NFE2L3: variants seen among roughly 807,000 people sequenced by gnomAD.
The protein encoded by NFE2L3 is NFE2 like bZIP transcription factor 3.
NFE2L3 carries 18 observed loss-of-function variants against 23.5 expected under a neutral mutation model. The ratio of observed to expected loss-of-function variants is 0.77; its 90% confidence interval spans 0.53 to 1.13. The LOEUF is 1.13. Among genes scored for constraint, NFE2L3 ranks in the 50% most tolerant of loss-of-function variants. NFE2L3 has a pLI of 0.00. For missense variants in NFE2L3, 1,152 were observed against 877.2 expected, an observed-to-expected ratio of 1.31 and a Z score of -3.96; for synonymous variants, 424 against 354.5, an observed-to-expected ratio of 1.20 and a Z score of -2.20.
At chr7:26,160,533 G>A (rs1784151480) in intron 1 of NFE2L3, among the ~76,000 whole-genome samples, 1 of 152,240 alleles carries the variant, frequency 6.6e-6, no homozygotes, top group Non-Finnish European at 1.5e-5. Context: ...TAATTGGGAA[G>A]GCTGGCAAAT....
At chr7:26,155,423 C>T (rs903040062) in intron 1 of NFE2L3, among the ~76,000 whole-genome samples, 1 of 151,958 alleles carries the variant, frequency 6.6e-6, no homozygotes, top group Non-Finnish European at 1.5e-5. Context: ...GCCTGGGTGA[C>T]AGAGTGAGAC....
chr7:26,185,375 T>C lies in NFE2L3; in HGVS notation c.1677T>C (p.Val559=), dbSNP rs142670193. 16 of 1,614,052 alleles carry C rather than the reference T, an allele frequency of 9.9e-6. No individual in the cohort carries two copies. Among genetic ancestry groups the C allele is most frequent in the African/African-American group, 9.3e-5 (7 of 74,930 alleles). ...TAGATGAAATTGTCGGCATGCCTGT[T>C]GATTCTTTCAATAGCATGTTAAGTA... ...FSVDEIVGMP[V]DSFNSMLSRY... Residue 559 remains valine, a synonymous_variant, in exon 4 of 4, where the codon GTT becomes GTC. Transcript: ENST00000056233.
intron 2 of NFE2L3, among the ~76,000 whole-genome samples, chr7:26,182,282 A>C (rs545534720): frequency 6.6e-6 from 1 of 152,096 alleles, no homozygotes; most frequent in South Asian, 2.1e-4. Flanking sequence ...AAAACATTAA[A>C]CCTTATATTT....
In NFE2L3 at chr7:26,176,833, C is replaced by T. The variant is rs28535750; in HGVS notation, c.571-1110C>T. On this transcript the variant is annotated intron_variant, in intron 1 of 3. Transcript: ENST00000056233. ...GGGGTGGCCAGGCAGAGGCGCTCCT[C>T]ACTTCCCAGACGATGGGTGGCCGGG... Among the ~76,000 whole-genome samples, 164 of 81,918 alleles carry T rather than the reference C, an allele frequency of 2.0e-3. 55 individuals carry two copies. Among genetic ancestry groups the T allele is most frequent in the East Asian group, 0.011 (11 of 1,000 alleles). The allele number at this position is 81,918 out of a possible 152,430, so 53.7% of individuals were successfully genotyped here. A position where few individuals can be genotyped will look rare whatever the true frequency, so the allele number is the denominator to read the frequency against.
Position 26,165,224 on chromosome 7 carries a change from A to G in NFE2L3, c.570+12156A>G, listed in dbSNP as rs1449655549. On this transcript the variant is annotated intron_variant, in intron 1 of 3. Transcript: ENST00000056233. ...GCTTGATGGGGATGGCATTGAATCTATACATTACCTTGGGCAGTATGGCCA... is the reference window on the plus strand; with the variant it reads ...GCTTGATGGGGATGGCATTGAATCTGTACATTACCTTGGGCAGTATGGCCA... Among the ~76,000 whole-genome samples, 21 of 152,240 alleles carry G rather than the reference A, an allele frequency of 1.4e-4. 1 individual carries two copies. In the East Asian group the frequency reaches 1.9e-3, roughly 14 times the overall value.
Position 26,152,249 on chromosome 7 carries a change from G to A in NFE2L3, c.-250G>A, listed in dbSNP as rs1218185691. On this transcript the variant is annotated 5_prime_UTR_variant, in exon 1 of 4. Coordinates refer to ENST00000056233, the MANE Select transcript of NFE2L3 (RefSeq NM_004289.7). The surrounding 1 kb of genome is among the most constrained non-coding windows in gnomAD (Gnocchi z 4.4). ...GGGCGGCTGGGCGAACGGGCTCGGC[G>A]CTCAGGTGGCTCCTTCTTCGCTTCT... 1.4e-5 allele frequency: 3 copies of A among 214,374 alleles called. No individual in the cohort carries two copies. Among genetic ancestry groups the A allele is most frequent in the Non-Finnish European group, 1.8e-5 (2 of 110,450 alleles). 13.3% of individuals were successfully genotyped at this position (214,374 alleles called of 1,614,324 possible).
At chr7:26,166,654 C>T (rs1270496826) in intron 1 of NFE2L3, among the ~76,000 whole-genome samples, 1 of 152,234 alleles carries the variant, frequency 6.6e-6, no homozygotes, top group African/African-American at 2.4e-5. Flanking sequence ...GGCCTACAGC[C>T]AGTGCTCAAT....
In NFE2L3 at chr7:26,184,720, C is replaced by T; in HGVS notation, c.1022C>T (p.Pro341Leu). The T allele has an allele frequency of 6.2e-7, 1 of 1,613,856 alleles. No homozygotes were observed. Among genetic ancestry groups the T allele is most frequent in the Non-Finnish European group, 8.5e-7 (1 of 1,179,844 alleles). ...PTARTSQSQE[P>L]FLQLNSHTTN... ...GCAAGGACTTCACAGTCACAAGAAC[C>T]ATTTCTGCAGTTAAATTCTCATACC... is the stretch of plus-strand genomic sequence containing the variant. Residue 341 changes from proline (P) to leucine (L), a missense_variant, in exon 4 of 4, where the codon CCA becomes CTA. Pro to Leu is a moderately conservative substitution (Grantham distance 98). Coordinates refer to ENST00000056233, the MANE Select transcript of NFE2L3 (RefSeq NM_004289.7).
rs1784013835 is a variant in NFE2L3, at chr7:26,152,620, T to C, written c.122T>C (p.Leu41Pro). Reference protein sequence around the residue: ...DLYLLLPPPTLLQDELLFLGG... With the variant: ...DLYLLLPPPTPLQDELLFLGG... ...TACCTGCTGCTGCCGCCGCCCACCC[T>C]GCTGCAGGACGAGCTGCTGTTCCTG... The change falls in exon 1 of 4, where the codon CTG becomes CCG. Residue 41 changes from leucine to proline, a missense_variant. Leu to Pro is a moderately conservative substitution (Grantham distance 98, BLOSUM62 -3). Coordinates refer to ENST00000056233, the MANE Select transcript of NFE2L3 (RefSeq NM_004289.7). This position sits in a 1 kb window ranked among gnomAD's most constrained non-coding sequence, Gnocchi z 4.4. The C allele has an allele frequency of 2.6e-6, 4 of 1,536,242 alleles. No homozygotes were observed. The highest frequency in any genetic ancestry group is 1.4e-5 in the African/African-American group (1 of 70,576).
At chr7:26,180,986 G>GA (rs1784497023) in intron 2 of NFE2L3, among the ~76,000 whole-genome samples, 1 of 151,396 alleles carries the variant, frequency 6.6e-6, no homozygotes, top group Non-Finnish European at 1.5e-5. Flanking sequence ...TTTGAGGAAG[G>GA]CGGCGGGGGA....
intron 3 of NFE2L3, chr7:26,184,213 A>G (rs577158464): frequency 5.8e-6 from 2 of 347,244 alleles, no homozygotes; most frequent in South Asian, 4.0e-5. Flanking sequence ...CAATGTGATT[A>G]CCAACCGCTA....
chr7:26,157,961 G>A (rs554224585), intron 1 of NFE2L3, among the ~76,000 whole-genome samples: 1 of 152,280 alleles, frequency 6.6e-6, no homozygotes, highest in South Asian at 2.1e-4. Context: ...CATCACCTGA[G>A]CTCTGCCTTC....
chr7:26,165,289 T>C (rs1163513506), intron 1 of NFE2L3, among the ~76,000 whole-genome samples: 1 of 152,252 alleles, frequency 6.6e-6, no homozygotes, highest in Non-Finnish European at 1.5e-5. Flanking sequence ...GAGCATGGAA[T>C]GTTCTTCCAT....
At chr7:26,164,352 A>G (rs1784216089) in intron 1 of NFE2L3, among the ~76,000 whole-genome samples, 1 of 152,180 alleles carries the variant, frequency 6.6e-6, no homozygotes, top group Non-Finnish European at 1.5e-5. Flanking sequence ...CGCCATTCTA[A>G]CTGGTGTGAG....
intron 1 of NFE2L3, among the ~76,000 whole-genome samples, chr7:26,169,866 G>C (rs1187380231): frequency 1.3e-5 from 2 of 152,160 alleles, no homozygotes; most frequent in East Asian, 1.9e-4. Context: ...GGGAGGCTGA[G>C]GTGGGAGGAT....
chr7:26,152,916 G>GGCGCCA lies in NFE2L3; in HGVS notation c.422_427dup (p.Ala141_Ser142dup). 6.9e-7 allele frequency: 1 copy of GGCGCCA among 1,441,000 alleles called. No individual in the cohort carries two copies. The highest frequency in any genetic ancestry group is 1.5e-5 in the African/African-American group (1 of 67,068). 89.3% of individuals were successfully genotyped at this position (1,441,000 alleles called of 1,614,324 possible). ...CGCCGCCTCGTCCACCGGAGGAGCC[G>GGCGCCA]GCGCCAGCGTGGACGGCGGCAGCCA... is the stretch of plus-strand genomic sequence containing the variant. On this transcript the variant is annotated inframe_insertion, in exon 1 of 4. Coordinates refer to ENST00000056233, the MANE Select transcript of NFE2L3 (RefSeq NM_004289.7). The surrounding 1 kb of genome is among the most constrained non-coding windows in gnomAD (Gnocchi z 4.4).
Position 26,152,515 on chromosome 7 carries a change from G to A in NFE2L3, c.17G>A (p.Arg6Gln), listed in dbSNP as rs777688128. 4 of 1,400,832 alleles carry A rather than the reference G, an allele frequency of 2.9e-6. No individual in the cohort carries two copies. Among genetic ancestry groups the A allele is most frequent in the Non-Finnish European group, 3.7e-6 (4 of 1,076,682 alleles). 86.8% of individuals were successfully genotyped at this position (1,400,832 alleles called of 1,614,324 possible). MKHLK[R>Q]WWSAGGGLLH... ...GCGGCGGCGATGAAGCACCTGAAGC[G>A]GTGGTGGTCGGCCGGCGGCGGCCTC... is the stretch of plus-strand genomic sequence containing the variant. The change falls in exon 1 of 4, where the codon CGG (arginine) becomes CAG (glutamine). Residue 6 changes from arginine (R) to glutamine (Q), a missense_variant. By Grantham distance (43) the Arg-to-Gln change is conservative (BLOSUM62 1). Coordinates refer to ENST00000056233, the MANE Select transcript of NFE2L3 (RefSeq NM_004289.7). The surrounding 1 kb of genome is among the most constrained non-coding windows in gnomAD (Gnocchi z 4.4).
intron 1 of NFE2L3, among the ~76,000 whole-genome samples, chr7:26,161,848 A>T (rs1053729494): frequency 3.9e-5 from 6 of 152,122 alleles, no homozygotes; most frequent in African/African-American, 1.4e-4. Context: ...TGCAGTTTAA[A>T]ATTCATGCTT....
rs539029613 is a variant in NFE2L3 at position 26,171,177 on chromosome 7, G to A, written c.571-6766G>A. ...CCAGGAATGTATCCTACTTGCACAC[G>A]TGTGCAAAGAAGTATGGATGAGGAG... On this transcript the variant is annotated intron_variant, in intron 1 of 3. Transcript: ENST00000056233. 1.6e-4 allele frequency among the ~76,000 whole-genome samples: 25 copies of A among 152,286 alleles called. 1 individual carries two copies. The highest frequency in any genetic ancestry group is 5.2e-4 in the Admixed American group (8 of 15,302).
Sources: allele counts gnomAD v4.1 joint callset (sites outside exome capture counted in the v4.1 genomes callset), GRCh38; gene constraint gnomAD v4.1.1; non-coding constraint Gnocchi (gnomAD v3.1); transcripts MANE v1.5; gene names NCBI Gene and HGNC (gene_info 2026-07-23, HGNC 2026-07-21).